MPDZ: variants seen among roughly 807,000 people sequenced by gnomAD.
The protein encoded by MPDZ is multiple PDZ domain protein.
In MPDZ, 234 loss-of-function variants were observed where a neutral mutation model predicts 239.1. The observed-to-expected ratio is 0.98, with a 90% CI of 0.88 to 1.09. The LOEUF (loss-of-function observed/expected upper bound fraction) is 1.09. MPDZ is among the 50% of genes least tolerant of loss of function. The pLI is 0.00. For synonymous variants in MPDZ, 1,048 were observed against 881.3 expected (o/e 1.19, Z -3.35); for missense variants, 3,175 against 2,510.0 (o/e 1.26, Z -5.66).
intron 19 of MPDZ, among the ~76,000 whole-genome samples, chr9:13,180,273 A>C (rs1953106425): frequency 6.6e-6 from 1 of 152,204 alleles, no homozygotes; most frequent in African/African-American, 2.4e-5. Flanking sequence ...AATATCATTA[A>C]ATCCGTTAGT....
At position 13,266,899 on chromosome 9, in the gene MPDZ, G is replaced by A. The variant is rs181248453; in HGVS notation, c.-58+12501C>T. Among the ~76,000 whole-genome samples, 9 of 152,320 alleles carry A rather than the reference G, an allele frequency of 5.9e-5. No individual in the cohort carries two copies. The East Asian group carries it at 1.5e-3, about 26-fold the overall frequency. On this transcript the variant is annotated intron_variant, in intron 1 of 46. Transcript: ENST00000319217. Reference sequence around the variant, plus strand: ...GCTTAAAAGCCTTAATTAGAGGGATGTCTACCCTGACTAGAGTCGCTAAGT... The same window carrying A: ...GCTTAAAAGCCTTAATTAGAGGGATATCTACCCTGACTAGAGTCGCTAAGT...
In MPDZ at chr9:13,206,105, A is replaced by C; in HGVS notation, c.1291-6T>G. ...TGAAGGTTTGTGCCATCTACCTGTGATTAAAAAAAAAAAAAAGCATGTTAC... is the reference window on the plus strand; with the variant it reads ...TGAAGGTTTGTGCCATCTACCTGTGCTTAAAAAAAAAAAAAAGCATGTTAC... On this transcript the variant is annotated splice_region_variant and splice_polypyrimidine_tract_variant and intron_variant, in intron 10 of 46. Coordinates refer to ENST00000319217, the MANE Select transcript of MPDZ (RefSeq NM_001378778.1). 1 of 1,544,978 alleles carries C rather than the reference A, an allele frequency of 6.5e-7. No individual in the cohort carries two copies. Among genetic ancestry groups the C allele is most frequent in the Non-Finnish European group, 8.7e-7 (1 of 1,152,014 alleles).
intron 1 of MPDZ, among the ~76,000 whole-genome samples, chr9:13,276,189 A>G (rs1195280193): frequency 6.6e-6 from 1 of 152,270 alleles, no homozygotes; most frequent in South Asian, 2.1e-4. Context: ...TTCCTAATCC[A>G]TCTATTACTA....
intron 19 of MPDZ, among the ~76,000 whole-genome samples, chr9:13,179,978 A>G (rs753522086): frequency 1.3e-5 from 2 of 151,806 alleles, no homozygotes; most frequent in African/African-American, 2.4e-5. Context: ...TCCTTCTCCC[A>G]CTCTTTCTGA....
chr9:13,209,156 T>A (rs1564033475), intron 10 of MPDZ, among the ~76,000 whole-genome samples: 1 of 152,114 alleles, frequency 6.6e-6, no homozygotes, highest in Non-Finnish European at 1.5e-5. Flanking sequence ...AATCAGATGG[T>A]ATATGTGGAT....
chr9:13,273,024 G>C (rs1973364805), intron 1 of MPDZ, among the ~76,000 whole-genome samples: 2 of 152,194 alleles, frequency 1.3e-5, no homozygotes, highest in South Asian at 4.1e-4. Context: ...AATGGGATTA[G>C]TGCCCTTATA....
At chr9:13,113,388 T>C (rs780435796) in intron 41 of MPDZ, among the ~76,000 whole-genome samples, 5 of 152,134 alleles carry the variant, frequency 3.3e-5, no homozygotes, top group African/African-American at 4.8e-5. Context: ...CATGGATGCA[T>C]TAAAAAAATT....
chr9:13,127,596 T>C (rs1323441217), intron 32 of MPDZ, among the ~76,000 whole-genome samples: 1 of 152,244 alleles, frequency 6.6e-6, no homozygotes, highest in African/African-American at 2.4e-5. Context: ...CTCTGAAATA[T>C]ACACACAAGT....
intron 24 of MPDZ, among the ~76,000 whole-genome samples, chr9:13,151,289 T>C (rs2133069178): frequency 6.6e-6 from 1 of 152,208 alleles, no homozygotes; most frequent in African/African-American, 2.4e-5. Flanking sequence ...ATCATATGAT[T>C]CAGCAATTCC....
chr9:13,184,178 C>T (rs1953763944), intron 18 of MPDZ, among the ~76,000 whole-genome samples: 1 of 151,940 alleles, frequency 6.6e-6, no homozygotes, highest in South Asian at 2.1e-4. Flanking sequence ...AAGTTATAAA[C>T]TTGTAAGAAA....
intron 10 of MPDZ, among the ~76,000 whole-genome samples, chr9:13,206,504 G>A (rs896961206): frequency 2.6e-5 from 4 of 151,206 alleles, no homozygotes; most frequent in Admixed American, 6.6e-5. Context: ...TCCTCTCATC[G>A]TATCTTCCCA....
intron 26 of MPDZ, among the ~76,000 whole-genome samples, chr9:13,144,300 T>C (rs559338708): frequency 1.2e-4 from 19 of 152,158 alleles, no homozygotes; most frequent in African/African-American, 4.1e-4. Flanking sequence ...CCTTAGAGTG[T>C]TTCTCAGAGG....
At chr9:13,143,632 A>T in intron 26 of MPDZ, 68 bp from the exon 27 acceptor site, 1 of 1,223,436 alleles carries the variant, frequency 8.2e-7, no homozygotes, top group Non-Finnish European at 1.2e-6. Context: ...TTTTAAAAGC[A>T]AAGTACATAC....
chr9:13,127,498 C>T (rs1210365425), intron 32 of MPDZ, among the ~76,000 whole-genome samples: 1 of 152,180 alleles, frequency 6.6e-6, no homozygotes, highest in Non-Finnish European at 1.5e-5. Context: ...TTAACATTTT[C>T]ATTGCCAGAG....
Position 13,217,029 on chromosome 9 carries a change from T to G in MPDZ, c.1201+151A>C, listed in dbSNP as rs1587872149. 6 of 776,044 alleles carry G rather than the reference T, an allele frequency of 7.7e-6. No individual in the cohort carries two copies. In the East Asian group the frequency reaches 1.6e-4, roughly 21 times the overall value. 48.1% of individuals were successfully genotyped at this position (776,044 alleles called of 1,614,324 possible). On this transcript the variant is annotated intron_variant, in intron 9 of 46. Transcript: ENST00000319217. ...TGTTTTGTCTGTCTTAAATACAATA[T>G]AAGAGTCACCTACACTAAATTATTC... is the stretch of plus-strand genomic sequence containing the variant.
rs75611535 is a variant in MPDZ at position 13,229,604 on chromosome 9, A to C, written c.184-5021T>G. Among the ~76,000 whole-genome samples the C allele has an allele frequency of 3.1e-3, 462 of 147,230 alleles. 4 individuals carry two copies. Among genetic ancestry groups the C allele is most frequent in the East Asian group, 0.018 (91 of 5,124 alleles). ...CACACACACACACACACACACACAC[A>C]CCCCCATCCACCCCACACACAATTA... On this transcript the variant is annotated intron_variant, in intron 3 of 46. Coordinates refer to ENST00000319217, the MANE Select transcript of MPDZ (RefSeq NM_001378778.1).
chr9:13,125,615 T>C (rs1225324402), intron 34 of MPDZ, among the ~76,000 whole-genome samples: 6 of 152,216 alleles, frequency 3.9e-5, no homozygotes, highest in African/African-American at 1.4e-4. Flanking sequence ...TAATTTCTAC[T>C]CTAAGTCTAG....
At chr9:13,271,636 T>C (rs1288119604) in intron 1 of MPDZ, among the ~76,000 whole-genome samples, 2 of 152,190 alleles carry the variant, frequency 1.3e-5, no homozygotes, top group Non-Finnish European at 2.9e-5. Context: ...TGTTAATCTG[T>C]GTTCTGTTAG....
In MPDZ at chr9:13,224,441, C is replaced by T. The variant is rs1015461119; in HGVS notation, c.326G>A (p.Gly109Asp). Residue 109 changes from glycine to aspartate, a missense_variant, in exon 4 of 47, where the codon GGT (glycine) becomes GAT (aspartate). Coordinates refer to ENST00000319217, the MANE Select transcript of MPDZ (RefSeq NM_001378778.1). ...NGNLEALTGP[G>D]IPHINGKPAC... ...AGGTTTCCCATTAATGTGTGGAATACCAGGTCCTGTAAGTGCTTCCAGATT... is the reference window on the plus strand; with the variant it reads ...AGGTTTCCCATTAATGTGTGGAATATCAGGTCCTGTAAGTGCTTCCAGATT... 4 of 1,612,728 alleles carry T rather than the reference C, an allele frequency of 2.5e-6. No individual in the cohort carries two copies. The South Asian group carries it at 4.4e-5, about 18-fold the overall frequency.
Sources: gnomAD v4.1 joint callset for allele counts (sites outside exome capture counted in the v4.1 genomes callset) on GRCh38, gnomAD v4.1.1 for gene constraint, MANE v1.5 for transcripts, NCBI Gene and HGNC (gene_info 2026-07-23, HGNC 2026-07-21) for gene names.